Variants in SH3BGRL2 observed in about 807,000 individuals in gnomAD.
SH3BGRL2 encodes the protein SH3 domain binding glutamate rich protein like 2.
A neutral mutation model predicts 14.8 loss-of-function variants in SH3BGRL2; 21 were observed. The observed-to-expected ratio is 1.42, with a 90% confidence interval of 1.01 to 2.05. The LOEUF (loss-of-function observed/expected upper bound fraction) is 2.05, where lower values mean the gene tolerates loss of function less well. SH3BGRL2 is among the 30% of genes most tolerant of loss of function. The pLI is 0.00. For synonymous variants in SH3BGRL2, 50 were observed against 47.8 expected (o/e 1.05, Z -0.19); for missense variants, 147 against 130.8 (o/e 1.12, Z -0.61).
intron 1 of SH3BGRL2, among the ~76,000 whole-genome samples, chr6:79,648,279 T>TATATATATAA (rs752182712): frequency 0.065 from 7,589 of 117,064 alleles, 506 homozygotes; most frequent in Middle Eastern, 0.17. Context: ...TATATATATA[T>TATATATATAA]ATATTTGACA....
At chr6:79,683,046 G>C (rs1001551233) in intron 2 of SH3BGRL2, among the ~76,000 whole-genome samples, 2 of 152,182 alleles carry the variant, frequency 1.3e-5, no homozygotes, top group African/African-American at 4.8e-5. Flanking sequence ...ACCAGGGCCT[G>C]TCGAGCGGGG....
At chr6:79,641,011 C>A (rs368330140) in intron 1 of SH3BGRL2, among the ~76,000 whole-genome samples, 1 of 152,050 alleles carries the variant, frequency 6.6e-6, no homozygotes, top group African/African-American at 2.4e-5. Flanking sequence ...CAAAGCAAAA[C>A]AAAAAACCCA....
chr6:79,620,774 C>G, the SH3BGRL2 span, among the ~76,000 whole-genome samples: 2 of 152,144 alleles, frequency 1.3e-5, no homozygotes, highest in Middle Eastern at 3.4e-3. Context: ...AGGATCTAAA[C>G]TATGTTAGAG....
At chr6:79,586,235 C>CTTTTT in the SH3BGRL2 span, among the ~76,000 whole-genome samples, 8 of 54,960 alleles carry the variant, frequency 1.5e-4, no homozygotes, top group African/African-American at 2.2e-4. Flanking sequence ...GTATGGACTT[C>CTTTTT]TTTTTTTTTT....
At chr6:79,649,983 T>TCA (rs370228264) in intron 1 of SH3BGRL2, among the ~76,000 whole-genome samples, 1,719 of 132,290 alleles carry the variant, frequency 0.013, 22 homozygotes, top group African/African-American at 0.039. Context: ...TCTCTCTCTC[T>TCA]CTCACACACA....
the SH3BGRL2 span, among the ~76,000 whole-genome samples, chr6:79,581,436 C>T: frequency 6.6e-6 from 1 of 152,200 alleles, no homozygotes; most frequent in African/African-American, 2.4e-5. Flanking sequence ...AAAAGCTTAT[C>T]CACCACAATC....
chr6:79,690,493 G>A (rs1299702104), intron 2 of SH3BGRL2, among the ~76,000 whole-genome samples: 1 of 152,066 alleles, frequency 6.6e-6, no homozygotes, highest in South Asian at 2.1e-4. Context: ...CTTTACACCT[G>A]GGCACAGCTA....
At chr6:79,547,706 G>A in the SH3BGRL2 span, among the ~76,000 whole-genome samples, 1 of 152,086 alleles carries the variant, frequency 6.6e-6, no homozygotes, top group African/African-American at 2.4e-5. Flanking sequence ...AAAGTAATCA[G>A]AATATTATAG....
the SH3BGRL2 span, among the ~76,000 whole-genome samples, chr6:79,564,899 T>C: frequency 2.0e-5 from 3 of 152,152 alleles, no homozygotes; most frequent in South Asian, 2.1e-4. Flanking sequence ...CTCAGTATTT[T>C]CCCCTTTTTC....
chr6:79,623,492 T>C, the SH3BGRL2 span, among the ~76,000 whole-genome samples: 2 of 152,200 alleles, frequency 1.3e-5, no homozygotes, highest in Non-Finnish European at 2.9e-5. Context: ...TTCCATTTAA[T>C]GCAAAAATGC....
At chr6:79,643,970 C>G (rs1194651084) in intron 1 of SH3BGRL2, among the ~76,000 whole-genome samples, 1 of 152,020 alleles carries the variant, frequency 6.6e-6, no homozygotes, top group East Asian at 1.9e-4. Context: ...GAGTAAGATT[C>G]GATGGGAGGG....
At chr6:79,622,674 A>G in the SH3BGRL2 span, among the ~76,000 whole-genome samples, 1 of 152,332 alleles carries the variant, frequency 6.6e-6, no homozygotes, top group South Asian at 2.1e-4. Flanking sequence ...TATATTAGCA[A>G]CTTGATAAAT....
At chr6:79,545,431 A>G in the SH3BGRL2 span, among the ~76,000 whole-genome samples, 2 of 152,244 alleles carry the variant, frequency 1.3e-5, no homozygotes, top group Non-Finnish European at 2.9e-5. Flanking sequence ...ATCTTGAATT[A>G]TTAAAGAGGA....
the SH3BGRL2 span, among the ~76,000 whole-genome samples, chr6:79,598,164 AC>A: frequency 2.0e-5 from 3 of 152,224 alleles, no homozygotes; most frequent in African/African-American, 7.2e-5. Flanking sequence ...TGGTGCAGCG[AC>A]TTTGGAAAAT....
At chr6:79,686,024 A>G (rs1435310525) in intron 2 of SH3BGRL2, among the ~76,000 whole-genome samples, 2 of 152,124 alleles carry the variant, frequency 1.3e-5, no homozygotes, top group South Asian at 2.1e-4. Context: ...TTAATTGATC[A>G]TTTTGTTTAA....
chr6:79,682,011 A>G (rs562206875), intron 2 of SH3BGRL2, among the ~76,000 whole-genome samples: 1 of 149,154 alleles, frequency 6.7e-6, no homozygotes, highest in Admixed American at 6.9e-5. Flanking sequence ...ACACACACAC[A>G]CACTACACAC....
intron 1 of SH3BGRL2, among the ~76,000 whole-genome samples, chr6:79,661,443 G>T (rs978380161): frequency 6.6e-6 from 1 of 152,208 alleles, no homozygotes; most frequent in Non-Finnish European, 1.5e-5. Flanking sequence ...GTGCGGTTTT[G>T]AATGAGTTTC....
chr6:79,659,160 A>G (rs1010350768), intron 1 of SH3BGRL2, among the ~76,000 whole-genome samples: 3 of 152,106 alleles, frequency 2.0e-5, no homozygotes, highest in Non-Finnish European at 4.4e-5. Context: ...CCATTTGTCA[A>G]TTTTGGCTTT....
the SH3BGRL2 span, among the ~76,000 whole-genome samples, chr6:79,597,288 AAGAG>A: frequency 0.095 from 14,337 of 150,408 alleles, 811 homozygotes; most frequent in Non-Finnish European, 0.13. Context: ...GAGAGAAAGA[AAGAG>A]AGAAAGAGAG....
Sources: gnomAD v4.1 joint callset for allele counts (sites outside exome capture counted in the v4.1 genomes callset) on GRCh38, gnomAD v4.1.1 for gene constraint, MANE v1.5 for transcripts, NCBI Gene and HGNC (gene_info 2026-07-23, HGNC 2026-07-21) for gene names.